The following STK26 variants were observed in gnomAD, a reference collection of about 807,000 sequenced individuals.
STK26 encodes serine/threonine kinase 26.
A neutral mutation model predicts 34.7 loss-of-function variants in STK26; 14 were observed. That is an observed-to-expected ratio of 0.40 (90% confidence interval 0.27 to 0.63). The LOEUF (loss-of-function observed/expected upper bound fraction) is 0.63, where lower values mean the gene tolerates loss of function less well. STK26 is among the 30% of genes least tolerant of loss of function. STK26 has a pLI of 0.38. For synonymous variants in STK26, 100 were observed against 109.8 expected, an observed-to-expected ratio of 0.91 and a Z score of 0.56; for missense variants, 226 against 309.1, an observed-to-expected ratio of 0.73 and a Z score of 2.02.
At position 132,072,803 on chromosome X, in the gene STK26, T is replaced by C; in HGVS notation, c.1027-10T>C. 1 of 1,203,062 alleles carries C rather than the reference T, an allele frequency of 8.3e-7. No individual in the cohort carries two copies. Among genetic ancestry groups the C allele is most frequent in the Non-Finnish European group, 1.1e-6 (1 of 887,995 alleles). On this transcript the variant is annotated splice_polypyrimidine_tract_variant and intron_variant, in intron 9 of 11. Transcript: ENST00000394334. ...ATTTCATGTGTATAATCTATATTAT[T>C]TGTTCAAAGGAGCAAGATCTTGTGC...
intron 2 of STK26, among the ~76,000 whole-genome samples, chrX:132,029,760 A>G (rs1925759582): frequency 9.2e-6 from 1 of 109,044 alleles, no homozygotes; most frequent in African/African-American, 3.4e-5. Context: ...TTCTTCATGA[A>G]CTCTCTCTGA....
At chrX:132,033,535 G>C (rs771958128) in intron 2 of STK26, among the ~76,000 whole-genome samples, 2 of 112,181 alleles carry the variant, frequency 1.8e-5, no homozygotes, top group African/African-American at 6.5e-5. Context: ...GATCCTGTTT[G>C]AGTTTCTAGT....
chrX:132,045,750 C>T (rs751128656), intron 2 of STK26, among the ~76,000 whole-genome samples: 39 of 112,088 alleles, frequency 3.5e-4, no homozygotes, highest in Non-Finnish European at 6.0e-4. Context: ...CAGGATGTTT[C>T]CTTCCCTTTA....
At chrX:132,034,756 T>C (rs754192633) in intron 2 of STK26, among the ~76,000 whole-genome samples, 1 of 111,554 alleles carries the variant, frequency 9.0e-6, no homozygotes, top group South Asian at 3.7e-4. Flanking sequence ...AAGGGAAGGC[T>C]TAATTGATAA....
chrX:132,065,717 T>C (rs1157570825), intron 4 of STK26, among the ~76,000 whole-genome samples: 1 of 112,395 alleles, frequency 8.9e-6, no homozygotes, highest in Non-Finnish European at 1.9e-5. Flanking sequence ...GTGCTAACAC[T>C]GACTGCCTGG....
chrX:132,058,106 C>T (rs191203318), intron 3 of STK26, among the ~76,000 whole-genome samples: 10 of 111,869 alleles, frequency 8.9e-5, no homozygotes, highest in African/African-American at 2.9e-4. Flanking sequence ...ATTTTGCTGT[C>T]ATATTTGTTC....
intron 4 of STK26, among the ~76,000 whole-genome samples, chrX:132,067,575 A>T (rs1927262087): frequency 8.9e-6 from 1 of 112,051 alleles, no homozygotes; most frequent in African/African-American, 3.2e-5. Flanking sequence ...AAATAAAGGG[A>T]TATGTGTTAC....
At chrX:132,038,014 A>G (rs1338359291) in intron 2 of STK26, among the ~76,000 whole-genome samples, 3 of 110,007 alleles carry the variant, frequency 2.7e-5, no homozygotes, top group African/African-American at 1.0e-4. Context: ...CGCTGTTGCT[A>G]TGGATCTTCT....
At chrX:132,068,165 T>C (rs1468000115) in intron 4 of STK26, 50 bp from the exon 5 acceptor site, 1 of 1,018,272 alleles carries the variant, frequency 9.8e-7, no homozygotes, top group Non-Finnish European at 1.3e-6. Flanking sequence ...ATTTTATGTT[T>C]CCAAACTTTT....
intron 3 of STK26, chrX:132,055,657 T>A (rs1926833129): frequency 2.0e-6 from 1 of 509,769 alleles, no homozygotes; most frequent in Non-Finnish European, 3.1e-6. Context: ...CATTTTAAAA[T>A]TAAAATTGTT....
chrX:132,055,652 T>A, intron 3 of STK26: 1 of 523,401 alleles, frequency 1.9e-6, no homozygotes, highest in Non-Finnish European at 3.0e-6. Flanking sequence ...TGAATCATTT[T>A]AAAATTAAAA....
chrX:132,037,155 C>T (rs1324799453), intron 2 of STK26, among the ~76,000 whole-genome samples: 2 of 111,586 alleles, frequency 1.8e-5, no homozygotes, highest in African/African-American at 6.5e-5. Flanking sequence ...AATTCTTTAC[C>T]TCATTTAAAA....
intron 4 of STK26, 23 bp from the exon 5 acceptor site, chrX:132,068,192 G>T: frequency 8.9e-7 from 1 of 1,121,622 alleles, no homozygotes. Context: ...ATGTGTATGT[G>T]TGTGTGTGTT....
intron 3 of STK26, among the ~76,000 whole-genome samples, chrX:132,060,370 G>A (rs1927006480): frequency 9.0e-6 from 1 of 111,316 alleles, no homozygotes; most frequent in African/African-American, 3.3e-5. Flanking sequence ...AGCATTCCAA[G>A]CTGGAGGAAA....
At chrX:132,049,292 TCTC>T (rs1193433842) in intron 2 of STK26, among the ~76,000 whole-genome samples, 1 of 112,111 alleles carries the variant, frequency 8.9e-6, no homozygotes, top group Non-Finnish European at 1.9e-5. Flanking sequence ...CTGGCCTAAA[TCTC>T]CTTTTTTTTA....
At chrX:132,048,104 A>T (rs768138086) in intron 2 of STK26, among the ~76,000 whole-genome samples, 1 of 111,849 alleles carries the variant, frequency 8.9e-6, no homozygotes, top group South Asian at 3.7e-4. Context: ...AACAGAGTGG[A>T]TGTTAAGTGT....
intron 6 of STK26, 31 bp from the exon 7 acceptor site, chrX:132,069,442 TATATA>T: frequency 5.3e-6 from 1 of 187,073 alleles, no homozygotes; most frequent in African/African-American, 3.6e-5. Flanking sequence ...TATATATATA[TATATA>T]TATATTATTT....
At chrX:132,063,592 T>A (rs1352780209) in intron 4 of STK26, 103 bp downstream of exon 4, 2 of 710,561 alleles carry the variant, frequency 2.8e-6, no homozygotes, top group Non-Finnish European at 2.1e-6. Flanking sequence ...CGCTAAGTGG[T>A]TGCTTTAGTT....
At chrX:132,038,600 T>G (rs1422545161) in intron 2 of STK26, among the ~76,000 whole-genome samples, 1 of 111,441 alleles carries the variant, frequency 9.0e-6, no homozygotes, top group African/African-American at 3.3e-5. Context: ...AAATAAATAT[T>G]TTTCATTAAT....
Sources: gnomAD v4.1 joint callset for allele counts (sites outside exome capture counted in the v4.1 genomes callset) on GRCh38, gnomAD v4.1.1 for gene constraint, MANE v1.5 for transcripts, NCBI Gene and HGNC (gene_info 2026-07-23, HGNC 2026-07-21) for gene names.